CELSR1: variants seen among roughly 807,000 people sequenced by gnomAD.
The protein encoded by CELSR1 is cadherin EGF LAG seven-pass G-type receptor 1, also known as adhesion G protein-coupled receptor C1.
In CELSR1, 110 loss-of-function variants were observed where a neutral mutation model predicts 249.1. The observed-to-expected ratio is 0.44, with a 90% CI of 0.38 to 0.52. The LOEUF (loss-of-function observed/expected upper bound fraction) is 0.52. Among genes scored for constraint, CELSR1 ranks in the 20% least tolerant of loss-of-function variants. The pLI is 0.00. For missense variants in CELSR1, 4,109 were observed against 4,296.4 expected, an observed-to-expected ratio of 0.96 and a Z score of 1.22; for synonymous variants, 2,113 against 1,900.0, an observed-to-expected ratio of 1.11 and a Z score of -2.92.
At chr22:46,372,370 A>G (rs2078863162) in intron 25 of CELSR1, among the ~76,000 whole-genome samples, 1 of 81,266 alleles carries the variant, frequency 1.2e-5, no homozygotes, top group South Asian at 4.5e-4. Flanking sequence ...CCATCCATCC[A>G]TCCACTCACT....
chr22:46,470,187 T>C (rs1433692570), intron 1 of CELSR1, among the ~76,000 whole-genome samples: 2 of 151,402 alleles, frequency 1.3e-5, no homozygotes, highest in East Asian at 3.9e-4. Flanking sequence ...GCAGTTGTTA[T>C]GAAACATGCT....
chr22:46,480,829 T>A (rs1445758444), intron 1 of CELSR1, among the ~76,000 whole-genome samples: 1 of 152,150 alleles, frequency 6.6e-6, no homozygotes, highest in Non-Finnish European at 1.5e-5. Context: ...ACCACTTTTT[T>A]CCGTTTCATT....
chr22:46,506,206 AAGAC>A lies in CELSR1; in HGVS notation c.3544+27417_3544+27420del, dbSNP rs1276538434. 2.6e-5 allele frequency among the ~76,000 whole-genome samples: 4 copies of A among 151,782 alleles called. No individual in the cohort carries two copies. The East Asian group carries it at 7.7e-4, about 29-fold the overall frequency. ...AAAAAAAAAAAAAGAAAAAGAAAGA[AAGAC>A]AGAAAAGAAACTACTGACTACTGAC... On this transcript the variant is annotated intron_variant, in intron 1 of 34. Coordinates refer to ENST00000674500, the MANE Select transcript of CELSR1 (RefSeq NM_001378328.1). The surrounding 1 kb of genome is among the most constrained non-coding windows in gnomAD (Gnocchi z 4.1).
intron 27 of CELSR1, among the ~76,000 whole-genome samples, chr22:46,368,319 G>T (rs945656227): frequency 6.6e-6 from 1 of 152,088 alleles, no homozygotes; most frequent in East Asian, 1.9e-4. Context: ...GTTCAGAGGG[G>T]ATGGAGTGAA....
rs1404036903 is a variant in CELSR1 at position 46,454,777 on chromosome 22, G to A, written c.4183+8930C>T. ...AGTGGCCCGTGGTCCTCGCAGACAC[G>A]CGACAGGCAGGCCAGTGAGAAGCGC... On this transcript the variant is annotated intron_variant, in intron 2 of 34. Transcript: ENST00000674500. The surrounding 1 kb of genome is among the most constrained non-coding windows in gnomAD (Gnocchi z 5.1). Among the ~76,000 whole-genome samples the A allele has an allele frequency of 2.0e-5, 3 of 152,322 alleles. No homozygotes were observed. The highest frequency in any genetic ancestry group is 4.8e-5 in the African/African-American group (2 of 41,560).
At position 46,506,727 on chromosome 22, in the gene CELSR1, A is replaced by C. The variant is rs2080518594; in HGVS notation, c.3544+26900T>G. Among the ~76,000 whole-genome samples the C allele has an allele frequency of 1.3e-5, 2 of 152,186 alleles. No homozygotes were observed. Among genetic ancestry groups the C allele is most frequent in the Admixed American group, 6.5e-5 (1 of 15,278 alleles). On this transcript the variant is annotated intron_variant, in intron 1 of 34. Coordinates refer to ENST00000674500, the MANE Select transcript of CELSR1 (RefSeq NM_001378328.1). The surrounding 1 kb of genome is among the most constrained non-coding windows in gnomAD (Gnocchi z 4.1). ...AAGCCCAAATCGAGAGTTACGTTCT[A>C]ATTTTAAGATCTCTGTGCCACCATC...
rs925346129 is a variant in CELSR1, at chr22:46,406,377, G to A, written c.5226+2619C>T. 3.3e-5 allele frequency among the ~76,000 whole-genome samples: 5 copies of A among 152,166 alleles called. No individual in the cohort carries two copies. The highest frequency in any genetic ancestry group is 7.2e-5 in the African/African-American group (3 of 41,438). On this transcript the variant is annotated intron_variant, in intron 9 of 34. Coordinates refer to ENST00000674500, the MANE Select transcript of CELSR1 (RefSeq NM_001378328.1). The surrounding 1 kb of genome is among the most constrained non-coding windows in gnomAD (Gnocchi z 5.4). ...GCACACCACACCTTCCAGGCAATCCGAGAGGTCTGTGCTGGAAAATGCTCC... is the reference window on the plus strand; with the variant it reads ...GCACACCACACCTTCCAGGCAATCCAAGAGGTCTGTGCTGGAAAATGCTCC...
At chr22:46,499,361 C>T (rs556643488) in intron 1 of CELSR1, among the ~76,000 whole-genome samples, 1 of 152,176 alleles carries the variant, frequency 6.6e-6, no homozygotes, top group South Asian at 2.1e-4. Context: ...GCAAAGGAAT[C>T]AGAGGAAGGT....
At chr22:46,383,357 G>T (rs1001248874) in intron 20 of CELSR1, among the ~76,000 whole-genome samples, 3 of 152,138 alleles carry the variant, frequency 2.0e-5, no homozygotes, top group African/African-American at 7.2e-5. Flanking sequence ...AATTGTCATG[G>T]ATCTGTAAAA....
chr22:46,533,762 T>C lies in CELSR1; in HGVS notation c.3409A>G (p.Ser1137Gly), dbSNP rs763814804. Reference protein sequence around the residue: ...IPAHDPDVSDSLNYTFVQGNE... With the variant: ...IPAHDPDVSDGLNYTFVQGNE... ...CCCTGCACGAAGGTGTAGTTGAGGCTGTCTGACACGTCGGGGTCATGGGCC... is the reference window on the plus strand; with the variant it reads ...CCCTGCACGAAGGTGTAGTTGAGGCCGTCTGACACGTCGGGGTCATGGGCC... Residue 1137 changes from serine to glycine, a missense_variant, in exon 1 of 35, where the codon AGC (serine) becomes GGC (glycine). Physicochemically the swap from Ser to Gly is moderately conservative, Grantham distance 56 (BLOSUM62 0). Around this residue, in one of 7 missense-constraint regions of CELSR1, gnomAD observed 886 missense variants for 896.5 expected, o/e 0.99. Coordinates refer to ENST00000674500, the MANE Select transcript of CELSR1 (RefSeq NM_001378328.1). The C allele has an allele frequency of 6.2e-7, 1 of 1,613,548 alleles. No individual in the cohort carries two copies. Among genetic ancestry groups the C allele is most frequent in the Non-Finnish European group, 8.5e-7 (1 of 1,180,024 alleles).
In CELSR1 at chr22:46,474,129, G is replaced by A. The variant is rs536373766; in HGVS notation, c.3545-9784C>T. Among the ~76,000 whole-genome samples the A allele has an allele frequency of 1.9e-3, 292 of 152,224 alleles. 2 individuals carry two copies. Among genetic ancestry groups the A allele is most frequent in the Admixed American group, 4.4e-3 (67 of 15,266 alleles). On this transcript the variant is annotated intron_variant, in intron 1 of 34. Coordinates refer to ENST00000674500, the MANE Select transcript of CELSR1 (RefSeq NM_001378328.1). ...GCCCACGTGCTGCTCACGATGCCTCGGGAACAAAGTCCTGTGTTAACCTTG... is the reference window on the plus strand; with the variant it reads ...GCCCACGTGCTGCTCACGATGCCTCAGGAACAAAGTCCTGTGTTAACCTTG...
In CELSR1 at chr22:46,375,491, T is replaced by C. The variant is rs1257759729; in HGVS notation, c.7584+1570A>G. Among the ~76,000 whole-genome samples, 4 of 151,940 alleles carry C rather than the reference T, an allele frequency of 2.6e-5. No homozygotes were observed. The South Asian group carries it at 6.3e-4, about 24-fold the overall frequency. On this transcript the variant is annotated intron_variant, in intron 24 of 34. Coordinates refer to ENST00000674500, the MANE Select transcript of CELSR1 (RefSeq NM_001378328.1). The stretch of plus-strand genomic sequence containing the variant: ...CACCCCACCTCCCAGGCCTGCGCAT[T>C]ATCAGACTGCTCTGATCTTCTGCCC...
Position 46,398,768 on chromosome 22 carries a change from G to C in CELSR1, c.5413-131C>G, listed in dbSNP as rs2079179414. On this transcript the variant is annotated intron_variant, in intron 10 of 34. Transcript: ENST00000674500. This position sits in a 1 kb window ranked among gnomAD's most constrained non-coding sequence, Gnocchi z 7.2. ...ACTCCGCAGAGCCTGAGGACATCTG[G>C]GCCTCCAAAGAGAGAGCTGGGCCCA... 1.5e-6 allele frequency: 1 copy of C among 659,538 alleles called. No homozygotes were observed. The highest frequency in any genetic ancestry group is 2.5e-6 in the Non-Finnish European group (1 of 402,392). The allele number at this position is 659,538 out of a possible 1,614,324, so 40.9% of individuals were successfully genotyped here. A position where few individuals can be genotyped will look rare whatever the true frequency, so the allele number is the denominator to read the frequency against.
At chr22:46,425,538 C>T (rs9616004) in intron 5 of CELSR1, among the ~76,000 whole-genome samples, 3,931 of 152,180 alleles carry the variant, frequency 0.026, 96 homozygotes, top group Non-Finnish European at 0.042. Flanking sequence ...GGAGTTGGTC[C>T]GTGCATCTGG....
At position 46,391,237 on chromosome 22, in the gene CELSR1, G is replaced by A; in HGVS notation, c.6199C>T (p.Gln2067Ter). ...KAFEAGIWWPQTKFGQPAAVP... is the reference protein window; with the variant it reads ...KAFEAGIWWP ...GCAGCCGGCTGCCCGAACTTGGTCTGTGGCCACCAGATGCCGGCCTCAAAT... is the reference window on the plus strand; with the variant it reads ...GCAGCCGGCTGCCCGAACTTGGTCTATGGCCACCAGATGCCGGCCTCAAAT... Residue 2067 changes from glutamine to a stop codon, truncating the protein, a stop_gained, in exon 16 of 35, where the codon CAG becomes TAG. Coordinates refer to ENST00000674500, the MANE Select transcript of CELSR1 (RefSeq NM_001378328.1). LOFTEE classifies it high-confidence loss of function. This position sits in a 1 kb window ranked among gnomAD's most constrained non-coding sequence, Gnocchi z 4.3. 6.2e-7 allele frequency: 1 copy of A among 1,613,750 alleles called. No individual in the cohort carries two copies. Among genetic ancestry groups the A allele is most frequent in the Non-Finnish European group, 8.5e-7 (1 of 1,180,010 alleles).
intron 19 of CELSR1, among the ~76,000 whole-genome samples, chr22:46,385,660 C>T (rs575509220): frequency 6.6e-6 from 1 of 150,998 alleles, no homozygotes; most frequent in Admixed American, 6.6e-5. Context: ...GAAACAGAGG[C>T]CTACCTGCCG....
chr22:46,475,924 G>A (rs1419242003), intron 1 of CELSR1, among the ~76,000 whole-genome samples: 14 of 151,962 alleles, frequency 9.2e-5, no homozygotes, highest in Admixed American at 8.5e-4. Context: ...GAACCTTCTG[G>A]AAGCCTGAAA....
chr22:46,512,930 G>A lies in CELSR1; in HGVS notation c.3544+20697C>T, dbSNP rs1167088572. Among the ~76,000 whole-genome samples the A allele has an allele frequency of 1.3e-5, 2 of 152,198 alleles. No individual in the cohort carries two copies. Among genetic ancestry groups the A allele is most frequent in the African/African-American group, 2.4e-5 (1 of 41,446 alleles). On this transcript the variant is annotated intron_variant, in intron 1 of 34. Transcript: ENST00000674500. This position sits in a 1 kb window ranked among gnomAD's most constrained non-coding sequence, Gnocchi z 5.2. ...CGGGTGGCCCCGCATGGCAGGCGAC[G>A]TCCTCCTCCAGGCTGGGCCTCTGTG... is the stretch of plus-strand genomic sequence containing the variant.
chr22:46,461,324 C>T (rs1039453414), intron 2 of CELSR1, among the ~76,000 whole-genome samples: 1 of 152,198 alleles, frequency 6.6e-6, no homozygotes. Context: ...CTTGGCCGTT[C>T]CCCAGTCATT....
Sources: gnomAD v4.1 joint callset for allele counts (sites outside exome capture counted in the v4.1 genomes callset) on GRCh38, gnomAD v4.1.1 for gene constraint, gnomAD v4.1.1 regional missense constraint, Gnocchi (gnomAD v3.1) non-coding constraint, MANE v1.5 for transcripts, NCBI Gene and HGNC (gene_info 2026-07-23, HGNC 2026-07-21) for gene names.